PAWR: variants seen among roughly 807,000 people sequenced by gnomAD.
The protein encoded by PAWR is pro-apoptotic WT1 regulator, also known as PRKC apoptosis WT1 regulator protein.
In PAWR, 23 loss-of-function variants were observed where a neutral mutation model predicts 32.0. The ratio of observed to expected loss-of-function variants is 0.72; its 90% CI spans 0.52 to 1.02. The LOEUF is 1.02. Ranked by LOEUF, PAWR falls within the 50% of genes least tolerant of loss-of-function variation. PAWR has a pLI of 0.00. For missense variants in PAWR, 457 were observed against 437.7 expected, an observed-to-expected ratio of 1.04 and a Z score of -0.39; for synonymous variants, 226 against 187.1, an observed-to-expected ratio of 1.21 and a Z score of -1.70.
intron 4 of PAWR, among the ~76,000 whole-genome samples, chr12:79,607,672 T>A (rs1474069469): frequency 6.7e-6 from 1 of 150,218 alleles, no homozygotes; most frequent in African/African-American, 2.4e-5. Flanking sequence ...AGGGCTGCAG[T>A]GAGCCATGAT....
At chr12:79,644,658 A>C (rs1876486834) in intron 2 of PAWR, among the ~76,000 whole-genome samples, 1 of 152,158 alleles carries the variant, frequency 6.6e-6, no homozygotes, top group Admixed American at 6.6e-5. Flanking sequence ...CTGCTTTTTT[A>C]TTTTGTTAGC....
intron 2 of PAWR, among the ~76,000 whole-genome samples, chr12:79,646,883 AC>A (rs758338614): frequency 7.2e-5 from 11 of 152,194 alleles, no homozygotes; most frequent in Non-Finnish European, 1.3e-4. Flanking sequence ...ATAAATATTA[AC>A]ATAGGCATTT....
At chr12:79,606,518 T>G (rs910412098) in intron 4 of PAWR, among the ~76,000 whole-genome samples, 1 of 152,232 alleles carries the variant, frequency 6.6e-6, no homozygotes, top group Non-Finnish European at 1.5e-5. Context: ...ACAAGTTATT[T>G]TCTGACATTG....
At chr12:79,657,461 T>TTTA (rs1449173359) in intron 2 of PAWR, among the ~76,000 whole-genome samples, 3 of 151,026 alleles carry the variant, frequency 2.0e-5, no homozygotes, top group Non-Finnish European at 4.4e-5. Context: ...GTAACTAAGT[T>TTTA]AAGGGGGTGG....
intron 4 of PAWR, among the ~76,000 whole-genome samples, chr12:79,597,370 G>A (rs993447537): frequency 8.5e-5 from 13 of 152,068 alleles, no homozygotes; most frequent in African/African-American, 1.2e-4. Flanking sequence ...GGCCTAGATC[G>A]CCCAGACTAT....
intron 2 of PAWR, among the ~76,000 whole-genome samples, chr12:79,669,000 C>A (rs764792626): frequency 4.6e-5 from 7 of 152,154 alleles, no homozygotes; most frequent in Non-Finnish European, 8.8e-5. Flanking sequence ...TCAAAACAAA[C>A]AAAGCTAGGG....
intron 4 of PAWR, chr12:79,596,941 T>C (rs1391783762): frequency 7.1e-5 from 22 of 311,088 alleles, no homozygotes. Context: ...GACTCTGCCC[T>C]TCATAGAGCT....
chr12:79,639,380 T>C (rs372131690), intron 2 of PAWR, among the ~76,000 whole-genome samples: 67 of 152,332 alleles, frequency 4.4e-4, no homozygotes, highest in African/African-American at 1.5e-3. Flanking sequence ...AAAATACTTA[T>C]GTCAATACAT....
chr12:79,665,113 T>C (rs982655499), intron 2 of PAWR, among the ~76,000 whole-genome samples: 1 of 152,214 alleles, frequency 6.6e-6, no homozygotes, highest in African/African-American at 2.4e-5. Context: ...TATGTTTCCA[T>C]AGAATGATGG....
At chr12:79,659,035 C>T (rs1193616419) in intron 2 of PAWR, among the ~76,000 whole-genome samples, 3 of 151,932 alleles carry the variant, frequency 2.0e-5, no homozygotes, top group Non-Finnish European at 4.4e-5. Context: ...CAGAGGCTCA[C>T]GCCTGTTATC....
At chr12:79,690,818 G>C (rs1878985974) in intron 1 of PAWR, 54 bp downstream of exon 1, 1 of 152,334 alleles carries the variant, frequency 6.6e-6, no homozygotes, top group African/African-American at 2.4e-5. Context: ...AGGAGGCGGG[G>C]ACCCAGCTGT....
chr12:79,603,728 A>G (rs1201672337), intron 4 of PAWR: 1 of 119,240 alleles, frequency 8.4e-6, no homozygotes, highest in Admixed American at 1.2e-4. Context: ...CCCAGGCTGG[A>G]GTGCAATGCC....
chr12:79,650,476 C>T (rs1329249124), intron 2 of PAWR, among the ~76,000 whole-genome samples: 1 of 152,068 alleles, frequency 6.6e-6, no homozygotes, highest in East Asian at 1.9e-4. Context: ...TCCATATAAA[C>T]ATCTCAGTAT....
intron 2 of PAWR, chr12:79,668,087 G>C (rs1036016254): frequency 6.6e-6 from 1 of 152,174 alleles, no homozygotes; most frequent in Non-Finnish European, 1.5e-5. Context: ...ATTTTTAGTA[G>C]AGACAGGGTT....
At chr12:79,604,227 G>A (rs1874077776) in intron 4 of PAWR, 1 of 981,182 alleles carries the variant, frequency 1.0e-6, no homozygotes, top group Non-Finnish European at 1.2e-6. Flanking sequence ...TCTCTAATAC[G>A]ATCCAAAAAG....
chr12:79,627,059 T>C (rs1015153948), intron 2 of PAWR, among the ~76,000 whole-genome samples: 3 of 152,338 alleles, frequency 2.0e-5, no homozygotes, highest in African/African-American at 7.2e-5. Flanking sequence ...TACGTGTGCA[T>C]GTGGCTTTAT....
chr12:79,607,367 C>T (rs1592496428), intron 4 of PAWR, among the ~76,000 whole-genome samples: 1 of 152,150 alleles, frequency 6.6e-6, no homozygotes, highest in African/African-American at 2.4e-5. Context: ...CAAGAAGACT[C>T]TCTTTCTTTA....
rs185549570 is a variant in PAWR, at chr12:79,609,897, A to G, written c.683+3678T>C. Among the ~76,000 whole-genome samples, 4 of 152,336 alleles carry G rather than the reference A, an allele frequency of 2.6e-5. No homozygotes were observed. In the South Asian group the frequency reaches 6.2e-4, roughly 24 times the overall value. On this transcript the variant is annotated intron_variant, in intron 4 of 6. Transcript: ENST00000328827. ...TGGCAAAGCTAAAAGAGCACTAACT[A>G]TAACACTTCTTCTGGGACTTCAGGG...
At chr12:79,646,354 T>A (rs80010377) in intron 2 of PAWR, among the ~76,000 whole-genome samples, 1 of 152,156 alleles carries the variant, frequency 6.6e-6, no homozygotes, top group Non-Finnish European at 1.5e-5. Flanking sequence ...CTGTAGATAC[T>A]GAACTAAAGA....
Sources: allele counts gnomAD v4.1 joint callset (sites outside exome capture counted in the v4.1 genomes callset), GRCh38; gene constraint gnomAD v4.1.1; transcripts MANE v1.5; gene names NCBI Gene and HGNC (gene_info 2026-07-23, HGNC 2026-07-21).